TSNARE1: variants seen among roughly 807,000 people sequenced by gnomAD.
TSNARE1 encodes the protein t-SNARE domain containing 1.
Under a neutral mutation model 62.0 loss-of-function variants are expected in TSNARE1, and 49 were observed. That is an observed-to-expected ratio of 0.79 (90% CI 0.63 to 1.00). TSNARE1 has a LOEUF of 1.00. TSNARE1 is among the 50% of genes least tolerant of loss of function. The pLI, the probability that TSNARE1 is intolerant of heterozygous loss-of-function variation, is 0.00. For synonymous variants in TSNARE1, 328 were observed against 294.4 expected (o/e 1.11, Z -1.17); for missense variants, 755 against 700.1 (o/e 1.08, Z -0.88).
intron 10 of TSNARE1, among the ~76,000 whole-genome samples, chr8:142,287,233 G>A (rs1284402674): frequency 1.4e-5 from 2 of 146,042 alleles, no homozygotes; most frequent in Admixed American, 6.8e-5. Context: ...CCTCCAGGTC[G>A]TGGAACCCAG....
At chr8:142,310,261 C>T (rs1223812511) in intron 9 of TSNARE1, among the ~76,000 whole-genome samples, 4 of 152,166 alleles carry the variant, frequency 2.6e-5, no homozygotes, top group African/African-American at 7.2e-5. Flanking sequence ...AGTCTGCCCT[C>T]GATGTGTATG....
At chr8:142,381,529 C>T (rs766336296) in intron 1 of TSNARE1, among the ~76,000 whole-genome samples, 10 of 152,248 alleles carry the variant, frequency 6.6e-5, no homozygotes, top group Non-Finnish European at 1.5e-4. Flanking sequence ...GACGGTGGCA[C>T]AGGCAGGAGT....
rs367825484 is a variant in TSNARE1 at position 142,216,057 on chromosome 8, A to T, written c.*12-3744T>A. Among the ~76,000 whole-genome samples the T allele has an allele frequency of 1.1e-4, 16 of 152,070 alleles. No homozygotes were observed. In the East Asian group the frequency reaches 1.9e-3, roughly 18 times the overall value. On this transcript the variant is annotated intron_variant, in intron 13 of 13. Transcript: ENST00000524325. ...GCTGAGTGGCCCTGTGATGGGGCAG[A>T]TCTGAGGGGGAAAGGTTCCCATGGC...
At chr8:142,304,769 G>T (rs1423458329) in intron 9 of TSNARE1, among the ~76,000 whole-genome samples, 1 of 152,224 alleles carries the variant, frequency 6.6e-6, no homozygotes. Context: ...ACTCAGGTGG[G>T]AAACCAGGTT....
At position 142,265,468 on chromosome 8, in the gene TSNARE1, C is replaced by G. The variant is rs72687345; in HGVS notation, c.1446+9313G>C. Among the ~76,000 whole-genome samples the G allele has an allele frequency of 2.0e-5, 3 of 152,020 alleles. No individual in the cohort carries two copies. In the East Asian group the frequency reaches 5.8e-4, roughly 29 times the overall value. Reference sequence around the variant, plus strand: ...CCTGGGTAGAACTCCACTGTGTGGCCGTGGCAGTCTGTTCACCTGCTCACC... The same window carrying G: ...CCTGGGTAGAACTCCACTGTGTGGCGGTGGCAGTCTGTTCACCTGCTCACC... On this transcript the variant is annotated intron_variant, in intron 12 of 13. Transcript: ENST00000524325.
At chr8:142,214,829 G>A (rs1468224266) in intron 13 of TSNARE1, among the ~76,000 whole-genome samples, 1 of 152,196 alleles carries the variant, frequency 6.6e-6, no homozygotes, top group Non-Finnish European at 1.5e-5. Flanking sequence ...CAGCAGCCCA[G>A]AAGGGCCCTA....
At chr8:142,390,948 G>A (rs1837471395) in intron 1 of TSNARE1, among the ~76,000 whole-genome samples, 1 of 132,816 alleles carries the variant, frequency 7.5e-6, no homozygotes, top group Admixed American at 7.3e-5. Context: ...CACTGCAGGG[G>A]ACTCTATAGC....
chr8:142,243,689 A>C, intron 12 of TSNARE1, among the ~76,000 whole-genome samples: 1 of 152,360 alleles, frequency 6.6e-6, no homozygotes, highest in South Asian at 2.1e-4. Context: ...AACGTACAGC[A>C]TGGTAACTCT....
chr8:142,290,117 T>C (rs1394463749), intron 10 of TSNARE1, among the ~76,000 whole-genome samples: 3 of 152,302 alleles, frequency 2.0e-5, no homozygotes, highest in East Asian at 3.9e-4. Flanking sequence ...GCCAGAGATT[T>C]GGGCTCCCCC....
chr8:142,366,728 C>T lies in TSNARE1; in HGVS notation c.-39-11965G>A, dbSNP rs544067193. 2.0e-5 allele frequency among the ~76,000 whole-genome samples: 3 copies of T among 152,308 alleles called. No individual in the cohort carries two copies. The South Asian group carries it at 6.2e-4, about 32-fold the overall frequency. ...GAAGATCAAGAAGAAAACAAAGGTG[C>T]CAGCTATCTCCAGTCCTATTCAACA... On this transcript the variant is annotated intron_variant, in intron 1 of 13. Transcript: ENST00000524325.
chr8:142,352,910 C>T (rs1446110908), intron 2 of TSNARE1, among the ~76,000 whole-genome samples: 2 of 152,204 alleles, frequency 1.3e-5, no homozygotes, highest in African/African-American at 2.4e-5. Flanking sequence ...CCCACGCACA[C>T]GTGTGCACAT....
At chr8:142,317,049 G>A (rs563337288) in intron 7 of TSNARE1, among the ~76,000 whole-genome samples, 6 of 151,962 alleles carry the variant, frequency 3.9e-5, no homozygotes, top group South Asian at 2.1e-4. Context: ...AAGCAGGTGC[G>A]GCCAGCAGCT....
At chr8:142,359,479 G>A (rs916255404) in intron 1 of TSNARE1, among the ~76,000 whole-genome samples, 1 of 152,148 alleles carries the variant, frequency 6.6e-6, no homozygotes, top group Non-Finnish European at 1.5e-5. Flanking sequence ...TTCACTGAGG[G>A]AGGAAAGAAC....
chr8:142,352,507 T>C (rs1377427567), intron 2 of TSNARE1, among the ~76,000 whole-genome samples: 1 of 152,242 alleles, frequency 6.6e-6, no homozygotes, highest in African/African-American at 2.4e-5. Context: ...GCACAGGCTG[T>C]GAGGGACGAC....
intron 1 of TSNARE1, among the ~76,000 whole-genome samples, chr8:142,387,340 G>A (rs1306761609): frequency 1.3e-5 from 2 of 152,048 alleles, no homozygotes; most frequent in Admixed American, 1.3e-4. Context: ...AATAAAAAAT[G>A]AATCAAGCAT....
At chr8:142,366,817 A>G (rs773137134) in intron 1 of TSNARE1, among the ~76,000 whole-genome samples, 15 of 152,240 alleles carry the variant, frequency 9.9e-5, no homozygotes, top group Non-Finnish European at 1.8e-4. Context: ...AAAAACAAAA[A>G]AAGAAATGAA....
chr8:142,389,216 G>A (rs912070816), intron 1 of TSNARE1, among the ~76,000 whole-genome samples: 1 of 152,076 alleles, frequency 6.6e-6, no homozygotes, highest in Non-Finnish European at 1.5e-5. Flanking sequence ...GAATAACAGT[G>A]GACACATCTC....
chr8:142,274,606 G>A lies in TSNARE1; in HGVS notation c.1446+175C>T, dbSNP rs1000209048. 4.1e-6 allele frequency: 4 copies of A among 985,328 alleles called. No homozygotes were observed. The South Asian group carries it at 1.4e-4, about 35-fold the overall frequency. 61.0% of individuals were successfully genotyped at this position (985,328 alleles called of 1,614,324 possible). ...CGCAGACCACTGCTGCCGCAACCCC[G>A]CCACTCCCAGAGCCCTAGGGCACGG... On this transcript the variant is annotated intron_variant, in intron 12 of 13. Coordinates refer to ENST00000524325, the MANE Select transcript of TSNARE1 (RefSeq NM_145003.5).
intron 12 of TSNARE1, among the ~76,000 whole-genome samples, chr8:142,247,069 C>A (rs1048295032): frequency 2.0e-5 from 3 of 152,196 alleles, no homozygotes; most frequent in Non-Finnish European, 1.5e-5. Context: ...CCTGGAGAAA[C>A]CCCGATGCCA....
Sources: allele counts gnomAD v4.1 joint callset (sites outside exome capture counted in the v4.1 genomes callset), GRCh38; gene constraint gnomAD v4.1.1; transcripts MANE v1.5; gene names NCBI Gene and HGNC (gene_info 2026-07-23, HGNC 2026-07-21).